Variants in UBE2D2 observed in about 807,000 individuals in gnomAD.
UBE2D2 encodes the protein ubiquitin conjugating enzyme E2 D2.
In UBE2D2, 2 loss-of-function variants were observed where a neutral mutation model predicts 24.2. That is an observed-to-expected ratio of 0.08 (90% CI 0.03 to 0.26). UBE2D2 has a LOEUF of 0.26. Ranked by LOEUF, UBE2D2 falls within the 10% of genes least tolerant of loss-of-function variation. The pLI, the probability that UBE2D2 is intolerant of heterozygous loss-of-function variation, is 1.00. For missense variants in UBE2D2, 44 were observed against 177.6 expected (o/e 0.25, Z 4.28); for synonymous variants, 58 against 56.5 (o/e 1.03, Z -0.12).
intron 1 of UBE2D2, among the ~76,000 whole-genome samples, chr5:139,536,078 T>C (rs1752678763): frequency 6.6e-6 from 1 of 151,106 alleles, no homozygotes. Flanking sequence ...TTTTTATTTA[T>C]GTATTTATTT....
intron 1 of UBE2D2, among the ~76,000 whole-genome samples, chr5:139,546,392 C>T (rs1046108835): frequency 6.6e-6 from 1 of 152,238 alleles, no homozygotes; most frequent in African/African-American, 2.4e-5. Context: ...ACCATATTGG[C>T]CAGGCTGGTC....
chr5:139,604,954 G>A (rs1336503742), intron 2 of UBE2D2, among the ~76,000 whole-genome samples: 1 of 151,498 alleles, frequency 6.6e-6, no homozygotes, highest in East Asian at 1.9e-4. Context: ...AAGTATGATT[G>A]GATAGCTAAA....
chr5:139,535,699 G>C (rs370482401), intron 1 of UBE2D2, among the ~76,000 whole-genome samples: 1 of 152,178 alleles, frequency 6.6e-6, no homozygotes, highest in Non-Finnish European at 1.5e-5. Context: ...CTATCAAAGA[G>C]CATGAGGCAG....
At chr5:139,556,677 G>C (rs1752983707), upstream of UBE2D2, among the ~76,000 whole-genome samples, 1 of 152,056 alleles carries the variant, frequency 6.6e-6, no homozygotes, top group Non-Finnish European at 1.5e-5. Flanking sequence ...CAAAAGTAAT[G>C]GCAGTTTTGC....
chr5:139,553,002 A>G (rs2126640531), intron 1 of UBE2D2, among the ~76,000 whole-genome samples: 1 of 152,158 alleles, frequency 6.6e-6, no homozygotes, highest in South Asian at 2.1e-4. Flanking sequence ...TATTTTTAGT[A>G]GAGACCGGGT....
upstream of UBE2D2, among the ~76,000 whole-genome samples, chr5:139,558,675 A>C (rs1210754837): frequency 6.6e-6 from 1 of 152,196 alleles, no homozygotes; most frequent in African/African-American, 2.4e-5. Context: ...ATTGATATTT[A>C]TATGTAAGGG....
At chr5:139,563,852 G>T (rs1165287627) in intron 1 of UBE2D2, among the ~76,000 whole-genome samples, 1 of 151,986 alleles carries the variant, frequency 6.6e-6, no homozygotes, top group Admixed American at 6.6e-5. Flanking sequence ...GGAGAATGAC[G>T]TGAACCGGGG....
At chr5:139,552,937 C>T (rs1020656839) in intron 1 of UBE2D2, among the ~76,000 whole-genome samples, 2 of 152,118 alleles carry the variant, frequency 1.3e-5, no homozygotes, top group African/African-American at 4.8e-5. Context: ...CTGCCTTGGC[C>T]TCCCAAAGTG....
intron 2 of UBE2D2, among the ~76,000 whole-genome samples, chr5:139,605,603 A>AAG (rs1457013986): frequency 1.3e-5 from 2 of 150,316 alleles, no homozygotes; most frequent in African/African-American, 4.9e-5. Flanking sequence ...AAAAAAAAAA[A>AAG]AAAAAAAAAA....
intron 6 of UBE2D2, among the ~76,000 whole-genome samples, 167 bp from the exon 7 acceptor site, chr5:139,626,589 C>T (rs1421522327): frequency 6.6e-6 from 1 of 152,120 alleles, no homozygotes; most frequent in Non-Finnish European, 1.5e-5. Flanking sequence ...CAGCTCCTTC[C>T]CATTATCATT....
At chr5:139,557,350 G>A (rs1195838190), upstream of UBE2D2, among the ~76,000 whole-genome samples, 1 of 151,944 alleles carries the variant, frequency 6.6e-6, no homozygotes, top group East Asian at 1.9e-4. Context: ...GGCCAGGTCA[G>A]TCTTGAACTC....
At chr5:139,551,176 C>A (rs1752916719) in intron 1 of UBE2D2, among the ~76,000 whole-genome samples, 1 of 152,064 alleles carries the variant, frequency 6.6e-6, no homozygotes, top group Admixed American at 6.6e-5. Context: ...GAAACCCCAT[C>A]TCTACTGAAA....
intron 1 of UBE2D2, among the ~76,000 whole-genome samples, chr5:139,595,756 C>T (rs1031425576): frequency 1.3e-5 from 2 of 151,852 alleles, no homozygotes; most frequent in African/African-American, 4.8e-5. Context: ...TTCAAATGGG[C>T]AATATACACA....
chr5:139,551,716 C>T (rs1752923249), intron 1 of UBE2D2, among the ~76,000 whole-genome samples: 1 of 152,190 alleles, frequency 6.6e-6, no homozygotes, highest in African/African-American at 2.4e-5. Context: ...AGTTGTCTAA[C>T]AATCACAATC....
chr5:139,553,995 G>T (rs1468085276), intron 1 of UBE2D2, among the ~76,000 whole-genome samples: 1 of 152,022 alleles, frequency 6.6e-6, no homozygotes, highest in African/African-American at 2.4e-5. Context: ...GGCCAGGCTG[G>T]TCTTGAACTT....
chr5:139,547,867 G>T (rs907114032), intron 1 of UBE2D2, among the ~76,000 whole-genome samples: 1 of 151,736 alleles, frequency 6.6e-6, no homozygotes, highest in Non-Finnish European at 1.5e-5. Context: ...GCTAATTTTT[G>T]TATTTTTAGT....
chr5:139,558,335 TGGAGTG>T (rs1371253339), upstream of UBE2D2, among the ~76,000 whole-genome samples: 1 of 152,216 alleles, frequency 6.6e-6, no homozygotes. Flanking sequence ...TTGCCCAGAC[TGGAGTG>T]CAGTGGCGCG....
chr5:139,556,928 G>A (rs1445495375), upstream of UBE2D2, among the ~76,000 whole-genome samples: 1 of 151,020 alleles, frequency 6.6e-6, no homozygotes, highest in African/African-American at 2.4e-5. Context: ...TCTGCCTCCC[G>A]GGTTCAAGCA....
chr5:139,576,943 CTT>C (rs11418234), intron 1 of UBE2D2, among the ~76,000 whole-genome samples: 3 of 91,728 alleles, frequency 3.3e-5, no homozygotes, highest in Admixed American at 1.2e-4. Context: ...TGGATCTGGC[CTT>C]TTTTTTTTTT....
Sources: gnomAD v4.1 joint callset for allele counts (sites outside exome capture counted in the v4.1 genomes callset) on GRCh38, gnomAD v4.1.1 for gene constraint, MANE v1.5 for transcripts, NCBI Gene and HGNC (gene_info 2026-07-23, HGNC 2026-07-21) for gene names.